Variants in ZNF536 observed in about 807,000 individuals in gnomAD.
ZNF536 encodes the protein zinc finger protein 536.
A neutral mutation model predicts 84.5 loss-of-function variants in ZNF536; 13 were observed. That is an observed-to-expected ratio of 0.15 (90% CI 0.10 to 0.24). The LOEUF is 0.24. Among genes scored for constraint, ZNF536 ranks in the 10% least tolerant of loss-of-function variants. The pLI, the probability that ZNF536 is intolerant of heterozygous loss-of-function variation, is 1.00. For synonymous variants in ZNF536, 811 were observed against 742.5 expected, an observed-to-expected ratio of 1.09 and a Z score of -1.50; for missense variants, 1,536 against 1,747.5, an observed-to-expected ratio of 0.88 and a Z score of 2.16.
At chr19:30,461,430 A>G (rs1568454887) in intron 2 of ZNF536, among the ~76,000 whole-genome samples, 1 of 152,182 alleles carries the variant, frequency 6.6e-6, no homozygotes, top group Non-Finnish European at 1.5e-5. Flanking sequence ...AGTAGGAGTC[A>G]TCCCGACATC....
intron 4 of ZNF536, chr19:30,555,761 A>G (rs141130757): frequency 7.3e-4 from 111 of 152,290 alleles, no homozygotes; most frequent in African/African-American, 2.3e-3. Flanking sequence ...CCATTGGTAC[A>G]TTTTTCATCT....
intron 2 of ZNF536, among the ~76,000 whole-genome samples, chr19:30,331,036 A>G (rs940671326): frequency 1.3e-5 from 2 of 152,068 alleles, no homozygotes; most frequent in Non-Finnish European, 2.9e-5. Context: ...AATCCCAGCA[A>G]TTTGGGAGGT....
intron 2 of ZNF536, among the ~76,000 whole-genome samples, chr19:30,513,444 G>C (rs778588013): frequency 2.6e-5 from 4 of 152,176 alleles, no homozygotes; most frequent in Non-Finnish European, 4.4e-5. Flanking sequence ...TGGATTAAGT[G>C]CATGAATTAT....
chr19:30,254,586 G>GA (rs11342778), intron 1 of ZNF536, among the ~76,000 whole-genome samples: 26 of 131,044 alleles, frequency 2.0e-4, no homozygotes, highest in African/African-American at 2.6e-4. Flanking sequence ...TTCTCTTTTT[G>GA]AAAAAAAAAA....
intron 1 of ZNF536, among the ~76,000 whole-genome samples, chr19:30,416,999 A>T (rs2050758143): frequency 6.6e-6 from 1 of 151,950 alleles, no homozygotes; most frequent in Non-Finnish European, 1.5e-5. Context: ...CTTGAGATGG[A>T]GTCTTGCTCT....
intron 1 of ZNF536, chr19:30,665,570 T>G (rs1020231465): frequency 2.0e-5 from 3 of 152,174 alleles, no homozygotes; most frequent in Non-Finnish European, 4.4e-5. Context: ...TTGCTGCATT[T>G]CCTGAAAGTG....
chr19:30,624,726 G>T (rs1045125665), intron 1 of ZNF536, among the ~76,000 whole-genome samples: 1 of 152,108 alleles, frequency 6.6e-6, no homozygotes, highest in African/African-American at 2.4e-5. Flanking sequence ...AGGTGATATG[G>T]TTTGGCTTTG....
chr19:30,607,371 C>T (rs146870795), intron 1 of ZNF536, among the ~76,000 whole-genome samples: 37 of 152,008 alleles, frequency 2.4e-4, no homozygotes, highest in African/African-American at 6.8e-4. Context: ...ATTTTAATTA[C>T]GCTCTTCTTT....
At chr19:30,448,933 G>A (rs1420140104) in intron 2 of ZNF536, among the ~76,000 whole-genome samples, 1 of 152,182 alleles carries the variant, frequency 6.6e-6, no homozygotes, top group Non-Finnish European at 1.5e-5. Flanking sequence ...AGGCTAATGT[G>A]GGATGCAGCT....
At chr19:30,632,942 G>C (rs1455522386) in intron 1 of ZNF536, among the ~76,000 whole-genome samples, 1 of 152,222 alleles carries the variant, frequency 6.6e-6, no homozygotes, top group East Asian at 1.9e-4. Flanking sequence ...GGTGGAGAGA[G>C]GAGGAAGAGG....
chr19:30,539,325 C>T (rs1269539009), intron 3 of ZNF536, among the ~76,000 whole-genome samples: 1 of 152,166 alleles, frequency 6.6e-6, no homozygotes. Flanking sequence ...CGAGTGCACT[C>T]CCCCTTGCTC....
chr19:30,238,821 A>AT (rs1421111137), intron 1 of ZNF536, among the ~76,000 whole-genome samples: 1 of 106,524 alleles, frequency 9.4e-6, no homozygotes, highest in Non-Finnish European at 1.8e-5. Context: ...CATGTTCCAA[A>AT]TTAAAAAAAA....
At chr19:30,690,674 A>G (rs772698003) in intron 1 of ZNF536, among the ~76,000 whole-genome samples, 10 of 152,098 alleles carry the variant, frequency 6.6e-5, no homozygotes, top group Non-Finnish European at 1.3e-4. Flanking sequence ...ACTTGGTTTC[A>G]TACCCAGCTG....
intron 1 of ZNF536, among the ~76,000 whole-genome samples, chr19:30,250,716 G>C (rs12972995): frequency 0.28 from 42,126 of 151,908 alleles, 6,181 homozygotes; most frequent in East Asian, 0.4. Context: ...TAAACACTAA[G>C]ACAACTACGA....
At chr19:30,457,691 C>G (rs1404149413) in intron 2 of ZNF536, among the ~76,000 whole-genome samples, 1 of 152,228 alleles carries the variant, frequency 6.6e-6, no homozygotes, top group Non-Finnish European at 1.5e-5. Flanking sequence ...GAAGACACAT[C>G]AGGTGGTCAG....
At chr19:30,692,088 G>A (rs570570208) in intron 1 of ZNF536, among the ~76,000 whole-genome samples, 1 of 152,334 alleles carries the variant, frequency 6.6e-6, no homozygotes, top group African/African-American at 2.4e-5. Flanking sequence ...GGAAGGAAAT[G>A]AAATAGACGA....
intron 1 of ZNF536, among the ~76,000 whole-genome samples, chr19:30,673,716 CA>C (rs1327560102): frequency 2.0e-5 from 3 of 152,232 alleles, no homozygotes; most frequent in African/African-American, 7.2e-5. Flanking sequence ...CTAACTCTCA[CA>C]TGCGTGCCCA....
chr19:30,673,860 A>C (rs1046903429), intron 1 of ZNF536, among the ~76,000 whole-genome samples: 1 of 152,206 alleles, frequency 6.6e-6, no homozygotes, highest in Non-Finnish European at 1.5e-5. Context: ...TGCTAGTGTT[A>C]ATCTAATAGA....
intron 1 of ZNF536, among the ~76,000 whole-genome samples, chr19:30,607,710 C>A (rs1277893495): frequency 1.1e-3 from 139 of 131,436 alleles, no homozygotes; most frequent in South Asian, 1.3e-3. Context: ...TGACATGTCT[C>A]AAAAAAAAAA....
Sources: gnomAD v4.1 joint callset for allele counts (sites outside exome capture counted in the v4.1 genomes callset) on GRCh38, gnomAD v4.1.1 for gene constraint, MANE v1.5 for transcripts, NCBI Gene and HGNC (gene_info 2026-07-23, HGNC 2026-07-21) for gene names.